Variants in SYTL3 observed in about 807,000 individuals in gnomAD.
SYTL3 encodes the protein synaptotagmin like 3, also known as synaptotagmin-like protein 3.
In SYTL3, 88 loss-of-function variants were observed where a neutral mutation model predicts 82.1. The observed-to-expected ratio is 1.07, with a 90% CI of 0.90 to 1.28. The LOEUF (loss-of-function observed/expected upper bound fraction) is 1.28. Ranked by LOEUF, SYTL3 falls within the 50% of genes most tolerant of loss-of-function variation. The pLI, the probability that SYTL3 is intolerant of heterozygous loss-of-function variation, is 0.00. For missense variants in SYTL3, 831 were observed against 757.6 expected (o/e 1.10, Z -1.14); for synonymous variants, 311 against 289.4 (o/e 1.07, Z -0.76).
intron 6 of SYTL3, among the ~76,000 whole-genome samples, chr6:158,686,766 G>C (rs945045051): frequency 6.6e-6 from 1 of 152,194 alleles, no homozygotes; most frequent in Non-Finnish European, 1.5e-5. Context: ...AAAGGGAATA[G>C]TGAGAGAACA....
chr6:158,695,056 A>T (rs547070754), intron 6 of SYTL3, among the ~76,000 whole-genome samples: 60 of 152,322 alleles, frequency 3.9e-4, no homozygotes, highest in African/African-American at 1.0e-3. Context: ...TGCAAGCCAA[A>T]TCTGGCCCAT....
intron 6 of SYTL3, among the ~76,000 whole-genome samples, chr6:158,706,484 C>A (rs1453423981): frequency 6.6e-6 from 1 of 152,154 alleles, no homozygotes; most frequent in Non-Finnish European, 1.5e-5. Flanking sequence ...AGCTAGACTG[C>A]CTCCCAGGGT....
chr6:158,707,753 T>C (rs1782263364), intron 7 of SYTL3, among the ~76,000 whole-genome samples: 1 of 152,260 alleles, frequency 6.6e-6, no homozygotes, highest in Non-Finnish European at 1.5e-5. Context: ...GTCATGAAGC[T>C]GGCCATAATT....
chr6:158,693,629 C>A (rs1780160653), intron 6 of SYTL3, among the ~76,000 whole-genome samples: 2 of 152,172 alleles, frequency 1.3e-5, no homozygotes, highest in Admixed American at 1.3e-4. Flanking sequence ...AAATGATCCA[C>A]CTGCCTCAGC....
chr6:158,656,986 C>G (rs932970545), intron 2 of SYTL3, among the ~76,000 whole-genome samples: 15 of 152,232 alleles, frequency 9.9e-5, no homozygotes, highest in Middle Eastern at 3.4e-3. Context: ...TCATATCTTG[C>G]TAGTGTAAGT....
At chr6:158,650,701 G>A (rs2128342675) in intron 1 of SYTL3, among the ~76,000 whole-genome samples, 1 of 152,056 alleles carries the variant, frequency 6.6e-6, no homozygotes, top group South Asian at 2.1e-4. Flanking sequence ...CCAGTACTTT[G>A]GGAGGCCAAG....
intron 11 of SYTL3, among the ~76,000 whole-genome samples, chr6:158,727,898 G>T (rs1784933002): frequency 6.6e-6 from 1 of 152,126 alleles, no homozygotes; most frequent in South Asian, 2.1e-4. Flanking sequence ...GTAGACAAGG[G>T]GAGGGATGAG....
chr6:158,705,557 AGAGCAGCGGGGGGG>A (rs1781969416), intron 6 of SYTL3, among the ~76,000 whole-genome samples: 3 of 116,474 alleles, frequency 2.6e-5, no homozygotes, highest in Admixed American at 8.3e-5. Context: ...AAGGTCACAT[AGAGCAGCGGGGGGG>A]GACCTGGGGG....
intron 5 of SYTL3, among the ~76,000 whole-genome samples, chr6:158,666,312 G>T (rs1790047587): frequency 6.6e-6 from 1 of 152,188 alleles, no homozygotes; most frequent in Non-Finnish European, 1.5e-5. Flanking sequence ...TAAAGAAATG[G>T]ACATGCTTCC....
intron 7 of SYTL3, 117 bp downstream of exon 7, chr6:158,707,398 C>CT (rs59396937): frequency 0.087 from 46,761 of 537,708 alleles, 161 homozygotes; most frequent in East Asian, 0.13. Context: ...GAATGTGACT[C>CT]TTTTTTTTTT....
At chr6:158,666,300 G>C (rs1361148332) in intron 5 of SYTL3, among the ~76,000 whole-genome samples, 1 of 152,148 alleles carries the variant, frequency 6.6e-6, no homozygotes, top group East Asian at 1.9e-4. Flanking sequence ...TTAATACTCA[G>C]CTAAAGAAAT....
At chr6:158,741,376 A>C (rs1242874795) in intron 11 of SYTL3, among the ~76,000 whole-genome samples, 1 of 152,132 alleles carries the variant, frequency 6.6e-6, no homozygotes, top group African/African-American at 2.4e-5. Flanking sequence ...GCCTTGTTCA[A>C]CTTTTGAATT....
chr6:158,731,571 T>C (rs541170248), intron 11 of SYTL3, among the ~76,000 whole-genome samples: 1 of 152,228 alleles, frequency 6.6e-6, no homozygotes, highest in Admixed American at 6.5e-5. Flanking sequence ...TTCTTCCCTT[T>C]ACTTCCCATC....
At chr6:158,679,038 T>C (rs1778364832) in intron 5 of SYTL3, among the ~76,000 whole-genome samples, 2 of 152,108 alleles carry the variant, frequency 1.3e-5, no homozygotes, top group African/African-American at 2.4e-5. Context: ...ATCACCTCTA[T>C]CATAGACTCT....
chr6:158,755,437 T>A (rs564667316), intron 13 of SYTL3, among the ~76,000 whole-genome samples: 3 of 152,184 alleles, frequency 2.0e-5, no homozygotes, highest in East Asian at 3.9e-4. Context: ...GAAATGCCCA[T>A]CTCCATGGCC....
At chr6:158,716,069 C>T (rs1783388800) in intron 9 of SYTL3, among the ~76,000 whole-genome samples, 1 of 152,146 alleles carries the variant, frequency 6.6e-6, no homozygotes, top group Admixed American at 6.5e-5. Context: ...CAACCTCTAG[C>T]TGCTGATGCT....
In SYTL3 at chr6:158,663,162, T is replaced by TA. The variant is rs1319394958; in HGVS notation, c.-104dup. 2.1e-6 allele frequency: 2 copies of TA among 935,028 alleles called. No homozygotes were observed. The highest frequency in any genetic ancestry group is 3.3e-5 in the African/African-American group (2 of 60,332). The allele number at this position is 935,028 out of a possible 1,614,324, so 57.9% of individuals were successfully genotyped here. ...CAGTGAAATAGGAGAGGGAGCTCTT[T>TA]AAACAAGGCTGGCTGCAGCTGGCCT... On this transcript the variant is annotated 5_prime_UTR_variant, in exon 4 of 18. Transcript: ENST00000611299.
At chr6:158,737,152 A>G (rs1356126912) in intron 11 of SYTL3, among the ~76,000 whole-genome samples, 4 of 152,170 alleles carry the variant, frequency 2.6e-5, no homozygotes, top group Non-Finnish European at 5.9e-5. Context: ...ATGCATAGGC[A>G]TGGTTCTAAG....
intron 6 of SYTL3, among the ~76,000 whole-genome samples, chr6:158,706,366 T>C (rs540259693): frequency 9.3e-4 from 142 of 152,318 alleles, no homozygotes; most frequent in African/African-American, 3.2e-3. Flanking sequence ...GGCCAGCCCA[T>C]CTGATTTTCT....
Sources: allele counts gnomAD v4.1 joint callset (sites outside exome capture counted in the v4.1 genomes callset), GRCh38; gene constraint gnomAD v4.1.1; transcripts MANE v1.5; gene names NCBI Gene and HGNC (gene_info 2026-07-23, HGNC 2026-07-21).